The following DNAH11 variants were observed in gnomAD, a reference collection of about 807,000 sequenced individuals.
The protein encoded by DNAH11 is axonemal beta dynein heavy chain 11.
Under a neutral mutation model 526.0 loss-of-function variants are expected in DNAH11, and 442 were observed. That is an observed-to-expected ratio of 0.84 (90% CI 0.78 to 0.91). The LOEUF is 0.91. Among genes scored for constraint, DNAH11 ranks in the 40% least tolerant of loss-of-function variants. The pLI is 0.00. For missense variants in DNAH11, 6,989 were observed against 5,448.7 expected (o/e 1.28, Z -8.90); for synonymous variants, 2,461 against 1,935.9 (o/e 1.27, Z -7.12).
rs1222385565 is a variant in DNAH11, at chr7:21,901,651, T to G, written c.*397T>G. On this transcript the variant is annotated 3_prime_UTR_variant, in exon 82 of 82. Coordinates refer to ENST00000409508, the MANE Select transcript of DNAH11 (RefSeq NM_001277115.2). ...AGCCGGAAAGAACGGAGATTTTAAT[T>G]TTTAACAAACAACAAATTAAATTAT... 1 of 158,148 alleles carries G rather than the reference T, an allele frequency of 6.3e-6. No individual in the cohort carries two copies. The highest frequency in any genetic ancestry group is 1.4e-5 in the Non-Finnish European group (1 of 71,934). The allele number at this position is 158,148 out of a possible 1,614,324, so 9.8% of individuals were successfully genotyped here.
chr7:21,877,964 A>AT (rs573130398), intron 74 of DNAH11, among the ~76,000 whole-genome samples: 77 of 151,192 alleles, frequency 5.1e-4, no homozygotes, highest in Admixed American at 1.7e-3. Flanking sequence ...AGATAACTAT[A>AT]TTTTTTTAGA....
At chr7:21,587,378 G>A (rs1219286868) in intron 9 of DNAH11, among the ~76,000 whole-genome samples, 10 of 152,026 alleles carry the variant, frequency 6.6e-5, no homozygotes, top group Admixed American at 6.6e-4. Context: ...ACTATCAGTT[G>A]ACTTCCTCTG....
At chr7:21,759,742 C>G (rs530480997) in intron 54 of DNAH11, among the ~76,000 whole-genome samples, 96 of 152,262 alleles carry the variant, frequency 6.3e-4, no homozygotes, top group Middle Eastern at 3.4e-3. Flanking sequence ...ATGAAATGGA[C>G]TGAGCCCTGT....
chr7:21,719,884 T>C (rs899150898), intron 43 of DNAH11, among the ~76,000 whole-genome samples: 1 of 152,114 alleles, frequency 6.6e-6, no homozygotes, highest in African/African-American at 2.4e-5. Context: ...TCTGTAACAG[T>C]GCTAATTAAT....
At chr7:21,561,887 A>G (rs1464641439) in intron 5 of DNAH11, among the ~76,000 whole-genome samples, 1 of 152,198 alleles carries the variant, frequency 6.6e-6, no homozygotes, top group Non-Finnish European at 1.5e-5. Flanking sequence ...TTTGTTTCTA[A>G]TATTAAAAAG....
chr7:21,760,107 C>G (rs757049861), intron 54 of DNAH11, among the ~76,000 whole-genome samples: 6 of 146,896 alleles, frequency 4.1e-5, no homozygotes, highest in Non-Finnish European at 7.5e-5. Flanking sequence ...TTGCAATTGT[C>G]AAGAACTTTC....
At chr7:21,717,456 G>A (rs1384084292) in intron 42 of DNAH11, among the ~76,000 whole-genome samples, 1 of 152,148 alleles carries the variant, frequency 6.6e-6, no homozygotes, top group East Asian at 1.9e-4. Context: ...TATGGGAATA[G>A]TTTCAGCCCT....
At chr7:21,633,876 C>T (rs545858521) in intron 25 of DNAH11, among the ~76,000 whole-genome samples, 1 of 152,270 alleles carries the variant, frequency 6.6e-6, no homozygotes, top group African/African-American at 2.4e-5. Context: ...ATTAGTAGCA[C>T]CTTGGAATGA....
chr7:21,592,387 T>C (rs1251820617), intron 14 of DNAH11, among the ~76,000 whole-genome samples: 3 of 152,156 alleles, frequency 2.0e-5, no homozygotes, highest in Non-Finnish European at 4.4e-5. Context: ...AGCAAAAGTA[T>C]AGACACTTTG....
chr7:21,609,060 T>G (rs1785413346), intron 20 of DNAH11, among the ~76,000 whole-genome samples: 1 of 152,176 alleles, frequency 6.6e-6, no homozygotes, highest in South Asian at 2.1e-4. Context: ...TTTCCACAAA[T>G]AAGGAGAACA....
At chr7:21,565,586 C>T (rs1034109146) in intron 6 of DNAH11, among the ~76,000 whole-genome samples, 13 of 152,126 alleles carry the variant, frequency 8.5e-5, no homozygotes, top group African/African-American at 3.1e-4. Flanking sequence ...CTCTCTGATT[C>T]TGAAAAGATA....
At chr7:21,630,055 C>A (rs915743074) in intron 25 of DNAH11, among the ~76,000 whole-genome samples, 1 of 151,772 alleles carries the variant, frequency 6.6e-6, no homozygotes, top group East Asian at 1.9e-4. Flanking sequence ...TAATTCAATG[C>A]TTTTTATTTT....
intron 25 of DNAH11, among the ~76,000 whole-genome samples, chr7:21,625,614 C>T (rs899319690): frequency 1.3e-5 from 2 of 151,928 alleles, no homozygotes; most frequent in African/African-American, 4.8e-5. Context: ...TTGAGATTTT[C>T]TTGTTGTTGT....
At chr7:21,570,917 C>G (rs1783861888) in intron 7 of DNAH11, among the ~76,000 whole-genome samples, 2 of 151,342 alleles carry the variant, frequency 1.3e-5, no homozygotes, top group South Asian at 4.2e-4. Context: ...ATTGATGACA[C>G]TGCCTTATTT....
intron 63 of DNAH11, among the ~76,000 whole-genome samples, chr7:21,811,185 G>A (rs1789498163): frequency 6.6e-6 from 1 of 152,208 alleles, no homozygotes; most frequent in Non-Finnish European, 1.5e-5. Context: ...AGTCACAGCT[G>A]GACCTGGTGG....
intron 8 of DNAH11, among the ~76,000 whole-genome samples, chr7:21,574,558 T>C (rs1252536380): frequency 9.4e-4 from 128 of 135,796 alleles, no homozygotes; most frequent in Admixed American, 5.4e-3. Flanking sequence ...CTCCCTCCCT[T>C]CCTTCCTTTT....
At chr7:21,558,654 G>A (rs1397566826) in intron 2 of DNAH11, 148 bp from the exon 3 acceptor site, 2 of 621,278 alleles carry the variant, frequency 3.2e-6, no homozygotes, top group Non-Finnish European at 5.5e-6. Context: ...ATCTAAATGG[G>A]TCACTGACTT....
Position 21,749,684 on chromosome 7 carries a change from C to A in DNAH11, c.8680C>A (p.Leu2894Ile), listed in dbSNP as rs778125255. 6.2e-7 allele frequency: 1 copy of A among 1,613,876 alleles called. No homozygotes were observed. The highest frequency in any genetic ancestry group is 8.5e-7 in the Non-Finnish European group (1 of 1,179,820). ...TGATGGCCTTTCCTTACAGGTAGAT[C>A]TTGCCAATTTGTACATCCGAACTGG... ...GYGIQELRVD[L>I]ANLYIRTGAK... Residue 2894 changes from leucine (L) to isoleucine (I), a missense_variant, in exon 53 of 82, where the codon CTT (leucine) becomes ATT (isoleucine). Coordinates refer to ENST00000409508, the MANE Select transcript of DNAH11 (RefSeq NM_001277115.2).
At chr7:21,851,441 C>T (rs1782633840) in intron 66 of DNAH11, 2 of 417,108 alleles carry the variant, frequency 4.8e-6, no homozygotes, top group Admixed American at 2.8e-5. Context: ...TTAATACATC[C>T]AGGTCATATT....
Sources: gnomAD v4.1 joint callset for allele counts (sites outside exome capture counted in the v4.1 genomes callset) on GRCh38, gnomAD v4.1.1 for gene constraint, MANE v1.5 for transcripts, NCBI Gene and HGNC (gene_info 2026-07-23, HGNC 2026-07-21) for gene names.